The following DACH1 variants were observed in gnomAD, a reference collection of about 807,000 sequenced individuals.
The protein encoded by DACH1 is dachshund family transcription factor 1.
DACH1 carries 12 observed loss-of-function variants against 54.2 expected under a neutral mutation model. The ratio of observed to expected loss-of-function variants is 0.22; its 90% CI spans 0.14 to 0.36. The LOEUF is 0.36. DACH1 is among the 10% of genes least tolerant of loss of function. The pLI is 1.00. For synonymous variants in DACH1, 386 were observed against 366.2 expected (o/e 1.05, Z -0.62); for missense variants, 805 against 929.8 (o/e 0.87, Z 1.75).
chr13:71,795,609 G>A (rs9572789), intron 1 of DACH1, among the ~76,000 whole-genome samples: 23,535 of 152,110 alleles, frequency 0.15, 3,618 homozygotes, highest in East Asian at 0.84. Flanking sequence ...TATAATGTCT[G>A]ATATAGGGCA....
intron 3 of DACH1, among the ~76,000 whole-genome samples, chr13:71,612,034 A>G (rs922187474): frequency 6.6e-5 from 10 of 152,166 alleles, no homozygotes; most frequent in Non-Finnish European, 1.3e-4. Flanking sequence ...ATAACATCAC[A>G]AAAGATATTT....
intron 1 of DACH1, among the ~76,000 whole-genome samples, chr13:71,844,281 G>A (rs187858508): frequency 1.1e-4 from 17 of 152,076 alleles, no homozygotes; most frequent in Non-Finnish European, 2.2e-4. Flanking sequence ...ATGACATAAG[G>A]TCGTGCATAA....
chr13:71,700,835 C>T (rs572828599), intron 1 of DACH1, among the ~76,000 whole-genome samples: 2 of 152,244 alleles, frequency 1.3e-5, no homozygotes, highest in South Asian at 4.1e-4. Flanking sequence ...TCCAAACTTT[C>T]CACATCCCTG....
intron 6 of DACH1, among the ~76,000 whole-genome samples, chr13:71,518,134 A>G (rs1566311516): frequency 1.3e-5 from 2 of 151,918 alleles, no homozygotes; most frequent in East Asian, 3.9e-4. Flanking sequence ...TGTTGAAGCT[A>G]TAATGCCCAA....
chr13:71,857,706 T>C (rs965385258), intron 1 of DACH1, among the ~76,000 whole-genome samples: 3 of 151,724 alleles, frequency 2.0e-5, no homozygotes, highest in African/African-American at 7.2e-5. Flanking sequence ...GTGTTCCAGG[T>C]TATTCTTTTA....
intron 2 of DACH1, among the ~76,000 whole-genome samples, chr13:71,650,162 C>G (rs1878572639): frequency 6.6e-6 from 1 of 152,148 alleles, no homozygotes; most frequent in Non-Finnish European, 1.5e-5. Context: ...AAAGGAGATT[C>G]AAATAACTAA....
At chr13:71,634,255 G>A (rs1006349946) in intron 2 of DACH1, among the ~76,000 whole-genome samples, 10 of 152,100 alleles carry the variant, frequency 6.6e-5, no homozygotes, top group Non-Finnish European at 1.2e-4. Context: ...TTACAGGCAT[G>A]AGCCACGGCA....
At chr13:71,454,421 C>CCTA (rs1405110373) in intron 10 of DACH1, among the ~76,000 whole-genome samples, 2 of 152,244 alleles carry the variant, frequency 1.3e-5, no homozygotes, top group African/African-American at 4.8e-5. Context: ...GTGGGTTGTA[C>CCTA]CTAGGGACTT....
chr13:71,508,449 T>C (rs182593609), intron 6 of DACH1, among the ~76,000 whole-genome samples: 2 of 151,898 alleles, frequency 1.3e-5, no homozygotes, highest in Admixed American at 1.3e-4. Flanking sequence ...ATCTAAACAG[T>C]GAATGTGGTA....
At position 71,692,856 on chromosome 13, in the gene DACH1, C is replaced by T. The variant is rs564683641; in HGVS notation, c.849-10946G>A. On this transcript the variant is annotated intron_variant, in intron 1 of 10. Transcript: ENST00000613252. ...TTTTAAATGTATTTTCTTGTGATGCCTTATTTAAGAAGAATTTAAATAGAA... is the reference window on the plus strand; with the variant it reads ...TTTTAAATGTATTTTCTTGTGATGCTTTATTTAAGAAGAATTTAAATAGAA... 2.5e-3 allele frequency among the ~76,000 whole-genome samples: 384 copies of T among 152,032 alleles called. 2 individuals carry two copies. Among genetic ancestry groups the T allele is most frequent in the Non-Finnish European group, 4.3e-3 (291 of 67,970 alleles).
chr13:71,695,456 A>G (rs1594106704), intron 1 of DACH1, among the ~76,000 whole-genome samples: 1 of 152,238 alleles, frequency 6.6e-6, no homozygotes, highest in African/African-American at 2.4e-5. Context: ...GAAAGGAAAA[A>G]GAGAAGAAAC....
intron 2 of DACH1, among the ~76,000 whole-genome samples, chr13:71,673,603 C>T (rs1393261727): frequency 2.0e-5 from 3 of 151,574 alleles, no homozygotes; most frequent in African/African-American, 7.3e-5. Flanking sequence ...CACACCGGTG[C>T]CTGTTGGGGG....
intron 3 of DACH1, among the ~76,000 whole-genome samples, chr13:71,573,253 T>A (rs1189630867): frequency 6.6e-6 from 1 of 152,214 alleles, no homozygotes; most frequent in Non-Finnish European, 1.5e-5. Flanking sequence ...GCTATATTAT[T>A]CCTATAATCA....
At chr13:71,648,773 C>A (rs543686106) in intron 2 of DACH1, among the ~76,000 whole-genome samples, 6 of 152,020 alleles carry the variant, frequency 3.9e-5, no homozygotes, top group African/African-American at 1.4e-4. Context: ...TGCCATAGGA[C>A]GCATAAAAGG....
intron 1 of DACH1, among the ~76,000 whole-genome samples, chr13:71,800,901 C>G (rs549948314): frequency 1.4e-5 from 2 of 147,704 alleles, no homozygotes; most frequent in African/African-American, 5.3e-5. Flanking sequence ...CTGCCATATC[C>G]GAGGAGACAT....
intron 6 of DACH1, among the ~76,000 whole-genome samples, chr13:71,551,218 C>T (rs1883795893): frequency 1.3e-5 from 2 of 151,860 alleles, no homozygotes; most frequent in Admixed American, 1.3e-4. Flanking sequence ...GGAGTACATG[C>T]GATAGTTTAA....
intron 4 of DACH1, among the ~76,000 whole-genome samples, chr13:71,565,121 C>G (rs1299234316): frequency 6.6e-6 from 1 of 152,006 alleles, no homozygotes; most frequent in Non-Finnish European, 1.5e-5. Context: ...GGGGTTTCAG[C>G]ATGTCGGTCA....
At chr13:71,619,448 T>C (rs1945252453) in intron 3 of DACH1, among the ~76,000 whole-genome samples, 1 of 151,896 alleles carries the variant, frequency 6.6e-6, no homozygotes, top group South Asian at 2.1e-4. Context: ...AATTCATTTA[T>C]CCAATTAATA....
At chr13:71,747,852 G>C (rs1390667490) in intron 1 of DACH1, among the ~76,000 whole-genome samples, 1 of 152,100 alleles carries the variant, frequency 6.6e-6, no homozygotes, top group Non-Finnish European at 1.5e-5. Context: ...TAGCACTGTA[G>C]CAGCTTTCTC....
Sources: allele counts gnomAD v4.1 joint callset (sites outside exome capture counted in the v4.1 genomes callset), GRCh38; gene constraint gnomAD v4.1.1; transcripts MANE v1.5; gene names NCBI Gene and HGNC (gene_info 2026-07-23, HGNC 2026-07-21).